The following AKAP13 variants were observed in gnomAD, a reference collection of about 807,000 sequenced individuals.
AKAP13 encodes A-kinase anchor protein 13.
Under a neutral mutation model 264.5 loss-of-function variants are expected in AKAP13, and 80 were observed. The observed-to-expected ratio is 0.30, with a 90% confidence interval of 0.25 to 0.36. The LOEUF is 0.36. AKAP13 is among the 10% of genes least tolerant of loss of function. The pLI, the probability that AKAP13 is intolerant of heterozygous loss-of-function variation, is 1.00. For synonymous variants in AKAP13, 1,380 were observed against 1,250.2 expected, an observed-to-expected ratio of 1.10 and a Z score of -2.19; for missense variants, 3,712 against 3,435.2, an observed-to-expected ratio of 1.08 and a Z score of -2.01.
At chr15:85,602,120 A>G (rs2080109276) in intron 8 of AKAP13, among the ~76,000 whole-genome samples, 1 of 152,014 alleles carries the variant, frequency 6.6e-6, no homozygotes, top group Non-Finnish European at 1.5e-5. Flanking sequence ...TTGATACTAG[A>G]TCAGAATTGA....
At position 85,655,704 on chromosome 15, in the gene AKAP13, C is replaced by A; in HGVS notation, c.4662C>A (p.Ser1554=). The change falls in exon 11 of 37, where the codon TCC becomes TCA. Residue 1554 remains serine (S), a synonymous_variant. Coordinates refer to ENST00000394518, the MANE Select transcript of AKAP13 (RefSeq NM_007200.5). ...CAAACTGCTCTGTCCTAAGGAGCTC[C>A]ATGCGCTCTCTTTCTCCCTTCCGGA... is the stretch of plus-strand genomic sequence containing the variant. ...VPANCSVLRS[S]MRSLSPFRRH... The A allele has an allele frequency of 3.1e-6, 5 of 1,614,148 alleles. No homozygotes were observed. Among genetic ancestry groups the A allele is most frequent in the Non-Finnish European group, 3.4e-6 (4 of 1,179,998 alleles).
chr15:85,533,974 G>A, intron 4 of AKAP13, 94 bp downstream of exon 4: 4 of 1,325,852 alleles, frequency 3.0e-6, no homozygotes, highest in Non-Finnish European at 4.1e-6. Context: ...ATCATATTCA[G>A]GTCTTCCACA....
Position 85,735,551 on chromosome 15 carries a change from T to C in AKAP13, c.7442-9T>C, listed in dbSNP as rs752235833. 6.2e-7 allele frequency: 1 copy of C among 1,602,776 alleles called. No homozygotes were observed. Reference sequence around the variant, plus strand: ...TTTAAAAAAAAAAACAACCCTATTTTTTGTTTAGGAGGCGAGAAGGAAGAG... The same window carrying C: ...TTTAAAAAAAAAAACAACCCTATTTCTTGTTTAGGAGGCGAGAAGGAAGAG... On this transcript the variant is annotated splice_polypyrimidine_tract_variant and intron_variant, in intron 31 of 36. Transcript: ENST00000394518.
intron 8 of AKAP13, among the ~76,000 whole-genome samples, chr15:85,602,557 G>T (rs1373794269): frequency 6.6e-6 from 1 of 151,954 alleles, no homozygotes; most frequent in African/African-American, 2.4e-5. Flanking sequence ...TGCAGTCTTG[G>T]CTCACTGCCA....
At chr15:85,614,676 A>T (rs1048781150) in intron 8 of AKAP13, among the ~76,000 whole-genome samples, 1 of 152,214 alleles carries the variant, frequency 6.6e-6, no homozygotes, top group Non-Finnish European at 1.5e-5. Flanking sequence ...TGGGGGATTT[A>T]TCAAGTGGCA....
intron 23 of AKAP13, among the ~76,000 whole-genome samples, chr15:85,720,145 G>A (rs913804248): frequency 1.3e-5 from 2 of 151,666 alleles, no homozygotes; most frequent in Non-Finnish European, 2.9e-5. Context: ...GAGGTGGGAG[G>A]ATCACTTGAG....
At chr15:85,549,225 G>A (rs991100193) in intron 5 of AKAP13, among the ~76,000 whole-genome samples, 1 of 152,054 alleles carries the variant, frequency 6.6e-6, no homozygotes, top group African/African-American at 2.4e-5. Flanking sequence ...AATTAGTTTG[G>A]CCCTTTGATA....
At chr15:85,588,310 G>A (rs976818099) in intron 8 of AKAP13, among the ~76,000 whole-genome samples, 1 of 152,092 alleles carries the variant, frequency 6.6e-6, no homozygotes, top group Non-Finnish European at 1.5e-5. Flanking sequence ...CTAATGCCTG[G>A]GTGGCTACTT....
intron 14 of AKAP13, among the ~76,000 whole-genome samples, chr15:85,675,874 C>G (rs1379551511): frequency 6.6e-6 from 1 of 151,556 alleles, no homozygotes; most frequent in South Asian, 2.1e-4. Context: ...TCAGGCTGAC[C>G]ATAGTGAGAA....
rs779545371 is a variant in AKAP13, at chr15:85,682,128, T to G, written c.5102-30T>G. On this transcript the variant is annotated intron_variant, in intron 14 of 36. Transcript: ENST00000394518. ...CCGGCATCAGTGTTAAATTTTTTGGTTCTAACTTTTTTTCTGCCTTGTTTT... is the reference window on the plus strand; with the variant it reads ...CCGGCATCAGTGTTAAATTTTTTGGGTCTAACTTTTTTTCTGCCTTGTTTT... 3 of 1,611,218 alleles carry G rather than the reference T, an allele frequency of 1.9e-6. No individual in the cohort carries two copies. The African/African-American group carries it at 4.0e-5, about 22-fold the overall frequency.
Position 85,741,343 on chromosome 15 carries a change from G to A in AKAP13, c.7906G>A (p.Glu2636Lys). ...VQQGQQDLEK[E>K]REELQQKKGT... Reference sequence around the variant, plus strand: ...GCAGGGGCAGCAGGACCTGGAAAAGGAGCGGGAGGAGCTCCAGCAGAAGAA... The same window carrying A: ...GCAGGGGCAGCAGGACCTGGAAAAGAAGCGGGAGGAGCTCCAGCAGAAGAA... Residue 2636 changes from glutamate to lysine, a missense_variant, in exon 35 of 37, where the codon GAG becomes AAG. Physicochemically the swap from Glu to Lys is moderately conservative, Grantham distance 56. Around this residue, in one of 3 missense-constraint regions of AKAP13, gnomAD observed 611 missense variants for 539.3 expected, o/e 1.13. Transcript: ENST00000394518. The A allele has an allele frequency of 6.2e-7, 1 of 1,613,788 alleles. No individual in the cohort carries two copies. The highest frequency in any genetic ancestry group is 1.3e-5 in the African/African-American group (1 of 75,042).
chr15:85,526,979 G>T (rs1229989769), intron 3 of AKAP13, among the ~76,000 whole-genome samples: 2 of 147,368 alleles, frequency 1.4e-5, no homozygotes, highest in Non-Finnish European at 3.0e-5. Context: ...TTTTGAGAGG[G>T]TGTCTCGCTC....
At chr15:85,630,166 T>TAC (rs59852934) in intron 8 of AKAP13, among the ~76,000 whole-genome samples, 3,011 of 100,098 alleles carry the variant, frequency 0.03, 71 homozygotes, top group Admixed American at 0.035. Context: ...TTTTAACACA[T>TAC]ACACACACAC....
chr15:85,661,230 A>G (rs2083329342), intron 12 of AKAP13, among the ~76,000 whole-genome samples: 1 of 152,166 alleles, frequency 6.6e-6, no homozygotes, highest in Admixed American at 6.5e-5. Flanking sequence ...TTATTGTTTT[A>G]GCTAGTGGTG....
chr15:85,516,072 G>T (rs954060136), intron 2 of AKAP13, among the ~76,000 whole-genome samples: 4 of 152,160 alleles, frequency 2.6e-5, no homozygotes, highest in Admixed American at 6.5e-5. Context: ...AGGAATAACT[G>T]CCATTAAAGT....
At chr15:85,677,919 A>T (rs1405386607) in intron 14 of AKAP13, among the ~76,000 whole-genome samples, 1 of 152,142 alleles carries the variant, frequency 6.6e-6, no homozygotes, top group Non-Finnish European at 1.5e-5. Context: ...AAGTACTGGG[A>T]TTACAGGCAT....
At chr15:85,615,567 A>G (rs1320456955) in intron 8 of AKAP13, among the ~76,000 whole-genome samples, 1 of 152,252 alleles carries the variant, frequency 6.6e-6, no homozygotes, top group African/African-American at 2.4e-5. Flanking sequence ...GTATTCTAAT[A>G]CATTTTACCA....
intron 1 of AKAP13, among the ~76,000 whole-genome samples, chr15:85,445,366 C>T (rs1482674155): frequency 6.6e-6 from 1 of 151,962 alleles, no homozygotes; most frequent in Admixed American, 6.6e-5. Context: ...CACTGGTAGC[C>T]CAGAGAAAAC....
At chr15:85,643,623 AT>A (rs1448711547) in intron 9 of AKAP13, among the ~76,000 whole-genome samples, 4 of 152,200 alleles carry the variant, frequency 2.6e-5, no homozygotes, top group African/African-American at 7.2e-5. Context: ...ATATCTTGAC[AT>A]AGTCATTCTG....
Sources: allele counts gnomAD v4.1 joint callset (sites outside exome capture counted in the v4.1 genomes callset), GRCh38; gene constraint gnomAD v4.1.1; regional missense constraint gnomAD v4.1.1; transcripts MANE v1.5; gene names NCBI Gene and HGNC (gene_info 2026-07-23, HGNC 2026-07-21).